Variants in MSI2 observed in about 807,000 individuals in gnomAD.
MSI2 encodes the protein musashi RNA binding protein 2.
Under a neutral mutation model 45.6 loss-of-function variants are expected in MSI2, and 17 were observed. The ratio of observed to expected loss-of-function variants is 0.37; its 90% CI spans 0.26 to 0.56. The LOEUF (loss-of-function observed/expected upper bound fraction) is 0.56, where lower values mean the gene tolerates loss of function less well. Among genes scored for constraint, MSI2 ranks in the 20% least tolerant of loss-of-function variants. MSI2 has a pLI of 0.77. For missense variants in MSI2, 293 were observed against 444.2 expected, an observed-to-expected ratio of 0.66 and a Z score of 3.06; for synonymous variants, 156 against 158.2, an observed-to-expected ratio of 0.99 and a Z score of 0.11.
intron 7 of MSI2, among the ~76,000 whole-genome samples, chr17:57,584,981 C>T (rs182713475): frequency 9.5e-4 from 145 of 152,070 alleles, no homozygotes; most frequent in African/African-American, 3.4e-3. Context: ...CCACTCCTGG[C>T]TCGTTTTTGT....
At chr17:57,411,353 C>T (rs966743407) in intron 6 of MSI2, among the ~76,000 whole-genome samples, 1 of 152,160 alleles carries the variant, frequency 6.6e-6, no homozygotes, top group Non-Finnish European at 1.5e-5. Context: ...TATCAACAGA[C>T]TTGTTTTCTT....
At chr17:57,622,636 G>A (rs1190050953) in intron 9 of MSI2, among the ~76,000 whole-genome samples, 1 of 150,548 alleles carries the variant, frequency 6.6e-6, no homozygotes, top group Admixed American at 6.6e-5. Flanking sequence ...CTGACATTAA[G>A]CCCCCTGAAA....
chr17:57,315,766 A>G (rs1912805492), intron 5 of MSI2, among the ~76,000 whole-genome samples: 1 of 152,076 alleles, frequency 6.6e-6, no homozygotes, highest in African/African-American at 2.4e-5. Context: ...TCCTTGGGAG[A>G]CTTCTTCCGT....
rs1913702493 is a variant in MSI2 at position 57,682,886 on chromosome 17, G to A, written c.*3369G>A. 8.8e-6 allele frequency: 2 copies of A among 226,112 alleles called. No homozygotes were observed. Among genetic ancestry groups the A allele is most frequent in the Admixed American group, 5.7e-5 (1 of 17,564 alleles). The allele number at this position is 226,112 out of a possible 1,614,324, so 14.0% of individuals were successfully genotyped here. On this transcript the variant is annotated 3_prime_UTR_variant, in exon 14 of 14. Coordinates refer to ENST00000284073, the MANE Select transcript of MSI2 (RefSeq NM_138962.4). The stretch of plus-strand genomic sequence containing the variant: ...GGCGAGTGAGTGGCATTAGCTCCCG[G>A]ACCCATTCCCGGTCCTAGCTGGGCA...
At chr17:57,443,287 C>G (rs760516603) in intron 6 of MSI2, among the ~76,000 whole-genome samples, 23 of 152,158 alleles carry the variant, frequency 1.5e-4, no homozygotes, top group Non-Finnish European at 2.9e-4. Context: ...CTCCAACCAC[C>G]CCCAAGGTTC....
At chr17:57,575,202 C>A in intron 7 of MSI2, among the ~76,000 whole-genome samples, 1 of 144,904 alleles carries the variant, frequency 6.9e-6, no homozygotes, top group Non-Finnish European at 1.5e-5. Context: ...CTGGTCCCAT[C>A]CCCTCCACAA....
chr17:57,684,524 T>C lies in MSI2; in HGVS notation c.*5007T>C. 2 of 173,350 alleles carry C rather than the reference T, an allele frequency of 1.2e-5. No homozygotes were observed. The highest frequency in any genetic ancestry group is 2.5e-5 in the Non-Finnish European group (2 of 80,102). The allele number at this position is 173,350 out of a possible 1,614,324, so 10.7% of individuals were successfully genotyped here. A position where few individuals can be genotyped will look rare whatever the true frequency, so the allele number is the denominator to read the frequency against. ...AAAGCCCTGTTGTAAAAAATTACTA[T>C]GTGGATGGCAGTCTCTCACATCACA... On this transcript the variant is annotated 3_prime_UTR_variant, in exon 14 of 14. Transcript: ENST00000284073.
At chr17:57,585,642 G>A (rs1339721463) in intron 7 of MSI2, among the ~76,000 whole-genome samples, 3 of 152,218 alleles carry the variant, frequency 2.0e-5, no homozygotes, top group African/African-American at 4.8e-5. Context: ...GAGGATGAAC[G>A]TGAGAGAAGG....
At chr17:57,546,202 G>A (rs1385907180) in intron 7 of MSI2, among the ~76,000 whole-genome samples, 2 of 152,166 alleles carry the variant, frequency 1.3e-5, no homozygotes, top group African/African-American at 4.8e-5. Context: ...GACAAGGTTC[G>A]GTGGTAATGA....
At chr17:57,455,327 G>A (rs4793853) in intron 6 of MSI2, among the ~76,000 whole-genome samples, 47,303 of 152,058 alleles carry the variant, frequency 0.31, 9,133 homozygotes, top group South Asian at 0.52. Flanking sequence ...GGTCACAGTC[G>A]GACCACTTGG....
At chr17:57,636,920 T>C (rs986823781) in intron 10 of MSI2, among the ~76,000 whole-genome samples, 5 of 152,174 alleles carry the variant, frequency 3.3e-5, no homozygotes, top group Non-Finnish European at 4.4e-5. Context: ...GCCATAAGCA[T>C]GGACTCGTGC....
chr17:57,345,717 G>A (rs1915542339), intron 5 of MSI2, among the ~76,000 whole-genome samples: 1 of 151,364 alleles, frequency 6.6e-6, no homozygotes, highest in South Asian at 2.1e-4. Flanking sequence ...TACTCGGGAG[G>A]CTAAGGCAGG....
intron 5 of MSI2, among the ~76,000 whole-genome samples, chr17:57,295,395 A>C (rs1910831543): frequency 6.6e-6 from 1 of 152,118 alleles, no homozygotes; most frequent in African/African-American, 2.4e-5. Flanking sequence ...CATATCAAAG[A>C]TGGGTTGTGT....
intron 6 of MSI2, among the ~76,000 whole-genome samples, chr17:57,484,639 G>C (rs914032475): frequency 6.6e-6 from 1 of 152,158 alleles, no homozygotes; most frequent in Admixed American, 6.5e-5. Flanking sequence ...GAAAGCTGAG[G>C]CTTCTCAGAA....
chr17:57,623,509 T>C (rs11650583), intron 9 of MSI2, among the ~76,000 whole-genome samples: 28,732 of 152,142 alleles, frequency 0.19, 3,054 homozygotes, highest in East Asian at 0.42. Flanking sequence ...CCAAATTCTA[T>C]TGTTGATTTC....
chr17:57,614,002 T>C (rs1907428275), intron 8 of MSI2, among the ~76,000 whole-genome samples: 1 of 152,208 alleles, frequency 6.6e-6, no homozygotes, highest in Non-Finnish European at 1.5e-5. Context: ...GATGTGAGTA[T>C]CTCCAAAATG....
intron 5 of MSI2, among the ~76,000 whole-genome samples, chr17:57,272,148 C>A (rs1908432152): frequency 6.6e-6 from 1 of 152,164 alleles, no homozygotes; most frequent in South Asian, 2.1e-4. Flanking sequence ...TGTGTTTGTG[C>A]ATGCACACGT....
At chr17:57,630,223 G>A (rs1909237099) in intron 10 of MSI2, 1 of 152,210 alleles carries the variant, frequency 6.6e-6, no homozygotes, top group Non-Finnish European at 1.5e-5. Context: ...AGGATAGAGT[G>A]GGGTTGGAGT....
intron 5 of MSI2, among the ~76,000 whole-genome samples, chr17:57,378,273 A>T (rs560083642): frequency 5.8e-4 from 87 of 150,948 alleles, no homozygotes; most frequent in South Asian, 2.1e-3. Context: ...TGTTTTTATT[A>T]TTTTTTTTGA....
Sources: allele counts gnomAD v4.1 joint callset (sites outside exome capture counted in the v4.1 genomes callset), GRCh38; gene constraint gnomAD v4.1.1; transcripts MANE v1.5; gene names NCBI Gene and HGNC (gene_info 2026-07-23, HGNC 2026-07-21).